Variants in BRF1 observed in about 807,000 individuals in gnomAD.
The protein encoded by BRF1 is BRF1 general transcription factor IIIB subunit.
In BRF1, 59 loss-of-function variants were observed where a neutral mutation model predicts 81.7. The observed-to-expected ratio is 0.72, with a 90% CI of 0.59 to 0.90. The LOEUF (loss-of-function observed/expected upper bound fraction) is 0.90, where lower values mean the gene tolerates loss of function less well. Among genes scored for constraint, BRF1 ranks in the 40% least tolerant of loss-of-function variants. The probability of loss-of-function intolerance (pLI) is 0.00; values close to 1 mark genes in which losing one functional copy is unlikely to be tolerated. For missense variants in BRF1, 1,050 were observed against 936.3 expected, an observed-to-expected ratio of 1.12 and a Z score of -1.58; for synonymous variants, 491 against 395.6, an observed-to-expected ratio of 1.24 and a Z score of -2.86.
chr14:105,298,060 G>A (rs587619503), intron 1 of BRF1, among the ~76,000 whole-genome samples: 1 of 152,308 alleles, frequency 6.6e-6, no homozygotes, highest in Non-Finnish European at 1.5e-5. Flanking sequence ...TCAACACGAT[G>A]CTCAAAGGAA....
At position 105,257,027 on chromosome 14, in the gene BRF1, A is replaced by T. The variant is rs587679470; in HGVS notation, c.440-478T>A. ...GGCAGGCAGTCCTCCCGAGAGACAG[A>T]AAACTAGACCTGGGGCCCCCTTGGT... On this transcript the variant is annotated intron_variant, in intron 3 of 17. Coordinates refer to ENST00000547530, the MANE Select transcript of BRF1 (RefSeq NM_001519.4). 2.0e-5 allele frequency among the ~76,000 whole-genome samples: 3 copies of T among 152,190 alleles called. No individual in the cohort carries two copies. In the East Asian group the frequency reaches 5.8e-4, roughly 30 times the overall value.
At chr14:105,241,692 G>T in intron 5 of BRF1, 1 of 500,594 alleles carries the variant, frequency 2.0e-6, no homozygotes, top group Non-Finnish European at 3.7e-6. Context: ...CCCTGCTCAG[G>T]ACACAGAGGG....
intron 15 of BRF1, among the ~76,000 whole-genome samples, chr14:105,214,307 T>C (rs1890663113): frequency 6.6e-6 from 1 of 152,248 alleles, no homozygotes; most frequent in South Asian, 2.1e-4. Flanking sequence ...GAGGACAGAC[T>C]GATCTGCATG....
chr14:105,267,959 G>A (rs1595429810), intron 3 of BRF1, among the ~76,000 whole-genome samples: 3 of 149,264 alleles, frequency 2.0e-5, no homozygotes, highest in Non-Finnish European at 2.9e-5. Context: ...GCTCCCACGC[G>A]TGGCCAGGCA....
intron 3 of BRF1, among the ~76,000 whole-genome samples, chr14:105,261,552 A>T (rs2056151648): frequency 6.6e-6 from 1 of 152,254 alleles, no homozygotes; most frequent in African/African-American, 2.4e-5. Flanking sequence ...GTCCTGACTC[A>T]GACACACTTT....
At chr14:105,243,142 A>C (rs759576459) in intron 5 of BRF1, among the ~76,000 whole-genome samples, 14 of 150,626 alleles carry the variant, frequency 9.3e-5, no homozygotes, top group South Asian at 2.1e-4. Flanking sequence ...AACAAACAAA[A>C]AAATTAGTGG....
At chr14:105,308,257 GGATT>G (rs2058248566) in intron 1 of BRF1, among the ~76,000 whole-genome samples, 1 of 152,132 alleles carries the variant, frequency 6.6e-6, no homozygotes, top group South Asian at 2.1e-4. Flanking sequence ...TGAGGTGAGA[GGATT>G]GATTGAGCCC....
At chr14:105,263,598 G>C (rs1310625306) in intron 3 of BRF1, among the ~76,000 whole-genome samples, 1 of 152,158 alleles carries the variant, frequency 6.6e-6, no homozygotes, top group East Asian at 1.9e-4. Context: ...GGATCAGAGT[G>C]AGCTACCTGC....
chr14:105,242,779 C>T (rs963875998), intron 5 of BRF1, among the ~76,000 whole-genome samples: 1 of 135,556 alleles, frequency 7.4e-6, no homozygotes, highest in Non-Finnish European at 1.6e-5. Flanking sequence ...CGCTTATAGA[C>T]TGGGCAATAC....
At position 105,271,834 on chromosome 14, in the gene BRF1, G is replaced by A. The variant is rs1005996746; in HGVS notation, c.439+887C>T. The stretch of plus-strand genomic sequence containing the variant: ...GCCAAGCTGCACACCGCTGAGGGTC[G>A]GCAGCCTCCCCGCCCACCGCCTGCA... On this transcript the variant is annotated intron_variant, in intron 3 of 17. Coordinates refer to ENST00000547530, the MANE Select transcript of BRF1 (RefSeq NM_001519.4). The surrounding 1 kb of genome is among the most constrained non-coding windows in gnomAD (Gnocchi z 5.5). 6.6e-6 allele frequency among the ~76,000 whole-genome samples: 1 copy of A among 151,608 alleles called. No homozygotes were observed. Among genetic ancestry groups the A allele is most frequent in the Admixed American group, 6.6e-5 (1 of 15,228 alleles).
rs1362102781 is a variant in BRF1, at chr14:105,210,693, CA to C, written c.1997-106del. The C allele has an allele frequency of 2.6e-4, 318 of 1,236,304 alleles. No homozygotes were observed. The African/African-American group carries it at 4.5e-3, about 17-fold the overall frequency. 76.6% of individuals were successfully genotyped at this position (1,236,304 alleles called of 1,614,324 possible). On this transcript the variant is annotated intron_variant, in intron 17 of 17. Coordinates refer to ENST00000547530, the MANE Select transcript of BRF1 (RefSeq NM_001519.4). This position sits in a 1 kb window ranked among gnomAD's most constrained non-coding sequence, Gnocchi z 4.7. Reference sequence around the variant, plus strand: ...GTGCCCCCCTAGAAGACTCAGGCTCCAGCCCCAGCCCCAGCCCCCCGCGCCC... The same window carrying C: ...GTGCCCCCCTAGAAGACTCAGGCTCCGCCCCAGCCCCAGCCCCCCGCGCCC...
Position 105,252,586 on chromosome 14 carries a change from T to TG in BRF1, c.472-8dup, listed in dbSNP as rs2055672425. 1.2e-6 allele frequency: 2 copies of TG among 1,611,038 alleles called. No homozygotes were observed. Among genetic ancestry groups the TG allele is most frequent in the East Asian group, 2.2e-5 (1 of 44,872 alleles). Reference sequence around the variant, plus strand: ...CAAGCACGTACACATTCACCTGAGATGGAGAGATCACAACCAGAAACAGCA... The same window carrying TG: ...CAAGCACGTACACATTCACCTGAGATGGGAGAGATCACAACCAGAAACAGCA... On this transcript the variant is annotated splice_polypyrimidine_tract_variant and splice_region_variant and intron_variant, in intron 4 of 17. Coordinates refer to ENST00000547530, the MANE Select transcript of BRF1 (RefSeq NM_001519.4).
At chr14:105,303,956 T>C (rs978378248), upstream of BRF1, among the ~76,000 whole-genome samples, 3 of 152,196 alleles carry the variant, frequency 2.0e-5, no homozygotes, top group Non-Finnish European at 4.4e-5. Context: ...AAAGCCAGAA[T>C]CCAATCTGAG....
intron 3 of BRF1, among the ~76,000 whole-genome samples, chr14:105,267,018 G>A (rs1283450630): frequency 6.6e-6 from 1 of 152,120 alleles, no homozygotes; most frequent in Non-Finnish European, 1.5e-5. Context: ...ACTCCAGCCT[G>A]GGTGATCAAG....
intron 10 of BRF1, among the ~76,000 whole-genome samples, chr14:105,224,488 T>C (rs1326137486): frequency 1.3e-5 from 2 of 152,250 alleles, no homozygotes; most frequent in Non-Finnish European, 2.9e-5. Context: ...TAGATTACTT[T>C]TGCCTCTGCT....
At chr14:105,302,022 C>G (rs2058049015), upstream of BRF1, among the ~76,000 whole-genome samples, 1 of 151,914 alleles carries the variant, frequency 6.6e-6, no homozygotes, top group Non-Finnish European at 1.5e-5. Context: ...GCCTGTAATC[C>G]CAGCTACTCG....
In BRF1 at chr14:105,217,710, T is replaced by A. The variant is rs1479039852; in HGVS notation, c.1606A>T (p.Ser536Cys). The change falls in exon 15 of 18, where the codon AGC becomes TGC. Residue 536 changes from serine to cysteine, a missense_variant. By Grantham distance (112) the Ser-to-Cys change is moderately radical. Around this residue, in one of 2 missense-constraint regions of BRF1, gnomAD observed 1,043 missense variants for 915.4 expected, o/e 1.14. Transcript: ENST00000547530. ...EKMLEQKKIS[S>C]KINYSVLRGL... ...CGGAGCACGCTATAATTGATCTTGC[T>A]GGAGATCTTCTTCTGCTCCAGCATC... 6.2e-7 allele frequency: 1 copy of A among 1,613,466 alleles called. No individual in the cohort carries two copies. Among genetic ancestry groups the A allele is most frequent in the Non-Finnish European group, 8.5e-7 (1 of 1,180,034 alleles).
Position 105,211,134 on chromosome 14 carries a change from T to A in BRF1, c.1984A>T (p.Met662Leu). The A allele has an allele frequency of 6.2e-7, 1 of 1,612,502 alleles. No individual in the cohort carries two copies. The highest frequency in any genetic ancestry group is 8.5e-7 in the Non-Finnish European group (1 of 1,179,890). Reference protein sequence around the residue: ...GEPCVSALQMMGSNDYGCDGD... With the variant: ...GEPCVSALQMLGSNDYGCDGD... ...GGGCCCCACCCACCGTTGCTGCCCA[T>A]CATCTGCAGGGCACTGACGCAGGGC... Residue 662 changes from methionine to leucine, a missense_variant, in exon 17 of 18, where the codon ATG becomes TTG. Coordinates refer to ENST00000547530, the MANE Select transcript of BRF1 (RefSeq NM_001519.4).
At chr14:105,216,763 C>T (rs1325269335) in intron 15 of BRF1, among the ~76,000 whole-genome samples, 2 of 152,250 alleles carry the variant, frequency 1.3e-5, no homozygotes, top group African/African-American at 4.8e-5. Context: ...CTGGAGACAA[C>T]GCAAGAGATC....
Sources: gnomAD v4.1 joint callset for allele counts (sites outside exome capture counted in the v4.1 genomes callset) on GRCh38, gnomAD v4.1.1 for gene constraint, gnomAD v4.1.1 regional missense constraint, Gnocchi (gnomAD v3.1) non-coding constraint, MANE v1.5 for transcripts, NCBI Gene and HGNC (gene_info 2026-07-23, HGNC 2026-07-21) for gene names.